Variants in DPYS observed in about 807,000 individuals in gnomAD.
The protein encoded by DPYS is dihydropyrimidinase.
A neutral mutation model predicts 50.3 loss-of-function variants in DPYS; 39 were observed. The ratio of observed to expected loss-of-function variants is 0.78; its 90% CI spans 0.60 to 1.01. The LOEUF is 1.01. DPYS is among the 50% of genes least tolerant of loss of function. DPYS has a pLI of 0.00. For missense variants in DPYS, 659 were observed against 680.9 expected, an observed-to-expected ratio of 0.97 and a Z score of 0.36; for synonymous variants, 245 against 250.7, an observed-to-expected ratio of 0.98 and a Z score of 0.22.
At chr8:104,437,816 G>A (rs1289498980) in intron 4 of DPYS, among the ~76,000 whole-genome samples, 1 of 152,176 alleles carries the variant, frequency 6.6e-6, no homozygotes, top group African/African-American at 2.4e-5. Context: ...CTCCTTTCCA[G>A]TAATAGTCTC....
At chr8:104,446,063 C>T (rs1357538897) in intron 3 of DPYS, among the ~76,000 whole-genome samples, 7 of 151,956 alleles carry the variant, frequency 4.6e-5, no homozygotes, top group Non-Finnish European at 1.0e-4. Flanking sequence ...ATAATAATAA[C>T]AACAAATAAA....
At chr8:104,465,427 A>G (rs1366516113) in intron 1 of DPYS, among the ~76,000 whole-genome samples, 1 of 152,182 alleles carries the variant, frequency 6.6e-6, no homozygotes, top group Non-Finnish European at 1.5e-5. Flanking sequence ...TAGTATATCA[A>G]TACATCTTCA....
At chr8:104,415,484 A>C (rs919526809) in intron 7 of DPYS, among the ~76,000 whole-genome samples, 1 of 152,234 alleles carries the variant, frequency 6.6e-6, no homozygotes, top group Non-Finnish European at 1.5e-5. Context: ...TCAGTTGCAT[A>C]AAAATATGTT....
Position 104,380,913 on chromosome 8 carries a change from T to C in DPYS, c.*14+271A>G, listed in dbSNP as rs538982904. 3.3e-4 allele frequency: 126 copies of C among 381,786 alleles called. 1 individual carries two copies. Among genetic ancestry groups the C allele is most frequent in the African/African-American group, 2.2e-3 (105 of 48,704 alleles). The allele number at this position is 381,786 out of a possible 1,614,324, so 23.6% of individuals were successfully genotyped here. A position where few individuals can be genotyped will look rare whatever the true frequency, so the allele number is the denominator to read the frequency against. On this transcript the variant is annotated intron_variant, in intron 9 of 9. Transcript: ENST00000351513. ...TCCCTCTGTATGTTATCAGCCTCCT[T>C]AGTGCAACTTGCTCATAGTTGATTA...
chr8:104,412,828 T>G (rs1812231759), intron 7 of DPYS, among the ~76,000 whole-genome samples: 2 of 152,176 alleles, frequency 1.3e-5, no homozygotes, highest in South Asian at 2.1e-4. Context: ...ACCACCCTGG[T>G]AAAGAATGGG....
At chr8:104,401,624 AGT>A (rs1210312963) in intron 7 of DPYS, among the ~76,000 whole-genome samples, 1 of 152,206 alleles carries the variant, frequency 6.6e-6, no homozygotes, top group Non-Finnish European at 1.5e-5. Context: ...TCTGTTTAGC[AGT>A]AAAGGATTTA....
rs57562204 is a variant in DPYS at position 104,399,866 on chromosome 8, C to CAAAAAA, written c.1236-6881_1236-6876dup. On this transcript the variant is annotated intron_variant, in intron 7 of 9. Coordinates refer to ENST00000351513, the MANE Select transcript of DPYS (RefSeq NM_001385.3). The stretch of plus-strand genomic sequence containing the variant: ...CCTGGGAGACAGCAAGACTCCGTCT[C>CAAAAAA]AAAAAAAAAAAAAAAAAAAAAAAAG... Among the ~76,000 whole-genome samples the CAAAAAA allele has an allele frequency of 5.8e-3, 298 of 51,606 alleles. 4 individuals are homozygous for CAAAAAA. The highest frequency in any genetic ancestry group is 6.4e-3 in the Non-Finnish European group (201 of 31,222). The allele number at this position is 51,606 out of a possible 152,430, so 33.9% of individuals were successfully genotyped here. A position where few individuals can be genotyped will look rare whatever the true frequency, so the allele number is the denominator to read the frequency against.
chr8:104,421,860 G>A (rs796598864), intron 7 of DPYS, among the ~76,000 whole-genome samples: 4 of 152,312 alleles, frequency 2.6e-5, no homozygotes, highest in African/African-American at 9.6e-5. Flanking sequence ...GGAAGGGCAA[G>A]ACAATGTTAT....
intron 1 of DPYS, among the ~76,000 whole-genome samples, chr8:104,452,163 A>G (rs550988731): frequency 6.6e-6 from 1 of 152,360 alleles, no homozygotes; most frequent in African/African-American, 2.4e-5. Context: ...ATTCTGCCTC[A>G]ACTTGCAATA....
chr8:104,423,080 C>T (rs1167885659), intron 7 of DPYS, among the ~76,000 whole-genome samples: 1 of 152,140 alleles, frequency 6.6e-6, no homozygotes, highest in Admixed American at 6.5e-5. Context: ...GCAATAGTTC[C>T]TTATTAACAT....
intron 8 of DPYS, among the ~76,000 whole-genome samples, chr8:104,390,177 T>C (rs372938664): frequency 6.6e-6 from 1 of 152,244 alleles, no homozygotes; most frequent in African/African-American, 2.4e-5. Flanking sequence ...TCCAGTTCTA[T>C]TGATTTTACT....
At chr8:104,429,346 A>C in intron 5 of DPYS, 199 bp downstream of exon 5, 1 of 615,686 alleles carries the variant, frequency 1.6e-6, no homozygotes, top group Non-Finnish European at 2.8e-6. Flanking sequence ...CTGAGAGTCT[A>C]GGAAAGGCTT....
intron 7 of DPYS, among the ~76,000 whole-genome samples, chr8:104,403,055 G>A (rs1210109948): frequency 1.3e-5 from 2 of 152,166 alleles, no homozygotes; most frequent in Non-Finnish European, 2.9e-5. Flanking sequence ...TTGTATGGGA[G>A]CTCTGTTTTC....
At chr8:104,396,825 CA>C (rs5893686) in intron 7 of DPYS, among the ~76,000 whole-genome samples, 141 of 131,554 alleles carry the variant, frequency 1.1e-3, no homozygotes, top group African/African-American at 2.7e-3. Context: ...TGCCTCATAC[CA>C]AAAAAAAAAA....
chr8:104,410,446 C>T (rs1464516110), intron 7 of DPYS, among the ~76,000 whole-genome samples: 1 of 152,026 alleles, frequency 6.6e-6, no homozygotes, highest in African/African-American at 2.4e-5. Context: ...CCAAAAGCAA[C>T]CTCCTAGAGT....
chr8:104,423,333 G>A (rs1342973456), intron 7 of DPYS, among the ~76,000 whole-genome samples: 2 of 152,126 alleles, frequency 1.3e-5, no homozygotes, highest in African/African-American at 2.4e-5. Flanking sequence ...TTTCCTATAG[G>A]AATATCTGGG....
At chr8:104,409,394 A>G (rs1812100035) in intron 7 of DPYS, among the ~76,000 whole-genome samples, 1 of 152,006 alleles carries the variant, frequency 6.6e-6, no homozygotes, top group African/African-American at 2.4e-5. Flanking sequence ...CTGAGGCAGG[A>G]CAATTGCTTG....
chr8:104,436,780 A>T (rs1027058218), intron 4 of DPYS, among the ~76,000 whole-genome samples: 1 of 152,218 alleles, frequency 6.6e-6, no homozygotes, highest in African/African-American at 2.4e-5. Flanking sequence ...GGATCACTTG[A>T]GCCCAGGAGT....
chr8:104,465,981 GGTGT>G (rs1357028016), intron 1 of DPYS, among the ~76,000 whole-genome samples: 2 of 151,320 alleles, frequency 1.3e-5, no homozygotes, highest in East Asian at 1.9e-4. Context: ...AGGCTGCGTT[GGTGT>G]GTGTGAGTGT....
Sources: allele counts gnomAD v4.1 joint callset (sites outside exome capture counted in the v4.1 genomes callset), GRCh38; gene constraint gnomAD v4.1.1; transcripts MANE v1.5; gene names NCBI Gene and HGNC (gene_info 2026-07-23, HGNC 2026-07-21).